The following AASS variants were observed in gnomAD, a reference collection of about 807,000 sequenced individuals.
AASS encodes the protein alpha-aminoadipic semialdehyde synthase, mitochondrial.
A neutral mutation model predicts 105.4 loss-of-function variants in AASS; 86 were observed. That is an observed-to-expected ratio of 0.82 (90% CI 0.69 to 0.98). The LOEUF (loss-of-function observed/expected upper bound fraction) is 0.98, where lower values mean the gene tolerates loss of function less well. AASS is among the 50% of genes least tolerant of loss of function. The pLI is 0.00. For synonymous variants in AASS, 381 were observed against 394.8 expected (o/e 0.96, Z 0.41); for missense variants, 1,048 against 1,143.2 (o/e 0.92, Z 1.20).
chr7:122,078,834 T>G (rs1021943908), intron 22 of AASS, 28 bp downstream of exon 22: 2 of 1,584,986 alleles, frequency 1.3e-6, no homozygotes, highest in Non-Finnish European at 1.7e-6. Flanking sequence ...CTTCTTTAGG[T>G]ATATTTAGCT....
intron 4 of AASS, among the ~76,000 whole-genome samples, chr7:122,123,236 T>A (rs1444169953): frequency 6.6e-6 from 1 of 152,192 alleles, no homozygotes; most frequent in Non-Finnish European, 1.5e-5. Context: ...GTGTTGCCAA[T>A]TCCAGCCAAC....
intron 11 of AASS, among the ~76,000 whole-genome samples, chr7:122,110,727 C>T (rs1794894479): frequency 6.6e-6 from 1 of 151,434 alleles, no homozygotes; most frequent in African/African-American, 2.4e-5. Context: ...TAATCCTAAA[C>T]AAGATAAATC....
At chr7:122,092,688 C>T (rs569135237) in intron 17 of AASS, among the ~76,000 whole-genome samples, 155 bp downstream of exon 17, 62 of 151,648 alleles carry the variant, frequency 4.1e-4, no homozygotes, top group Admixed American at 3.2e-3. Flanking sequence ...TGTGCCGTTG[C>T]ACTCCAGCCT....
intron 19 of AASS, chr7:122,082,919 T>C: frequency 2.2e-5 from 27 of 1,207,624 alleles, no homozygotes; most frequent in Non-Finnish European, 2.8e-5. Flanking sequence ...GCTGGATAAA[T>C]AGATTCTGAA....
At position 122,078,888 on chromosome 7, in the gene AASS, T is replaced by G. The variant is rs73441002; in HGVS notation, c.2459A>C (p.Lys820Thr). The change falls in exon 22 of 24, where the codon AAG becomes ACG. Residue 820 changes from lysine (K) to threonine (T), a missense_variant. Physicochemically the swap from Lys to Thr is moderately conservative, Grantham distance 78. Transcript: ENST00000417368. ...QAESILDALS[K>T]HLVMKLSYGP... Reference sequence around the variant, plus strand: ...ATAGGAAAGCTTCATGACCAAATGCTTGGAGAGGGCATCCAGAATGGACTC... The same window carrying G: ...ATAGGAAAGCTTCATGACCAAATGCGTGGAGAGGGCATCCAGAATGGACTC... 17 of 1,614,122 alleles carry G rather than the reference T, an allele frequency of 1.1e-5. No individual in the cohort carries two copies. In the East Asian group the frequency reaches 3.8e-4, roughly 36 times the overall value.
chr7:122,123,553 A>G (rs761731981), intron 4 of AASS, among the ~76,000 whole-genome samples: 4 of 152,348 alleles, frequency 2.6e-5, no homozygotes, highest in South Asian at 4.1e-4. Flanking sequence ...ATAGTTGCCC[A>G]GTTATAGATT....
chr7:122,129,057 G>A (rs1435406383), intron 3 of AASS, among the ~76,000 whole-genome samples: 1 of 152,060 alleles, frequency 6.6e-6, no homozygotes, highest in Non-Finnish European at 1.5e-5. Flanking sequence ...CAGCCTGGAT[G>A]ACAGAGCAAG....
At chr7:122,110,810 A>G (rs1794898368) in intron 11 of AASS, among the ~76,000 whole-genome samples, 1 of 151,910 alleles carries the variant, frequency 6.6e-6, no homozygotes, top group African/African-American at 2.4e-5. Context: ...ATGTCTACCA[A>G]TGGTAAAATA....
At chr7:122,135,780 G>T (rs183499203) in intron 1 of AASS, among the ~76,000 whole-genome samples, 2 of 151,910 alleles carry the variant, frequency 1.3e-5, no homozygotes, top group African/African-American at 2.4e-5. Flanking sequence ...CGTAGAATAC[G>T]GTGGAAATAA....
intron 17 of AASS, 22 bp from the exon 18 acceptor site, chr7:122,091,865 A>C (rs1793919572): frequency 6.6e-7 from 1 of 1,517,280 alleles, no homozygotes; most frequent in South Asian, 1.1e-5. Flanking sequence ...AGAATCAATA[A>C]ATAAGGAAGA....
In AASS at chr7:122,093,972, C is replaced by T. The variant is rs184950293; in HGVS notation, c.1656-814G>A. On this transcript the variant is annotated intron_variant, in intron 15 of 23. Coordinates refer to ENST00000417368, the MANE Select transcript of AASS (RefSeq NM_005763.4). Reference sequence around the variant, plus strand: ...TGCAACTGGAAACTATTATCTTATGCGACCTAACACAGAAACAGAAAACCA... The same window carrying T: ...TGCAACTGGAAACTATTATCTTATGTGACCTAACACAGAAACAGAAAACCA... 8.5e-5 allele frequency among the ~76,000 whole-genome samples: 13 copies of T among 152,180 alleles called. No homozygotes were observed. The East Asian group carries it at 1.2e-3, about 14-fold the overall frequency.
intron 4 of AASS, among the ~76,000 whole-genome samples, chr7:122,124,799 T>C (rs781212330): frequency 6.6e-6 from 1 of 152,216 alleles, no homozygotes; most frequent in South Asian, 2.1e-4. Context: ...CTAGGAATCA[T>C]AGTCATCAGA....
At position 122,074,397 on chromosome 7, in the gene AASS, C is replaced by G. The variant is rs1212231081; in HGVS notation, c.*2092G>C. ...ATACAAATTCCTCCCTTAACTAATA[C>G]ATGATTTTAAAAAAAATTATCTCAT... On this transcript the variant is annotated 3_prime_UTR_variant, in exon 24 of 24. Transcript: ENST00000417368. 1.3e-5 allele frequency among the ~76,000 whole-genome samples: 2 copies of G among 152,116 alleles called. No homozygotes were observed. Among genetic ancestry groups the G allele is most frequent in the Non-Finnish European group, 2.9e-5 (2 of 68,014 alleles).
intron 23 of AASS, among the ~76,000 whole-genome samples, chr7:122,077,492 A>G (rs1167954162): frequency 6.6e-6 from 1 of 152,210 alleles, no homozygotes; most frequent in African/African-American, 2.4e-5. Context: ...ATGAGGTAGC[A>G]GCTTCATGTA....
rs1428334605 is a variant in AASS, at chr7:122,074,020, A to C, written c.*2469T>G. Among the ~76,000 whole-genome samples the C allele has an allele frequency of 1.3e-5, 2 of 152,080 alleles. No individual in the cohort carries two copies. Among genetic ancestry groups the C allele is most frequent in the African/African-American group, 4.8e-5 (2 of 41,356 alleles). On this transcript the variant is annotated 3_prime_UTR_variant, in exon 24 of 24. Coordinates refer to ENST00000417368, the MANE Select transcript of AASS (RefSeq NM_005763.4). ...GGCTGTTTCAATTTTGGGCTATTAT[A>C]AATAATGCTGCAAAGAACATCTGTG...
At position 122,077,849 on chromosome 7, in the gene AASS, A is replaced by T; in HGVS notation, c.2651T>A (p.Met884Lys). The T allele has an allele frequency of 6.2e-7, 1 of 1,614,162 alleles. No individual in the cohort carries two copies. Among genetic ancestry groups the T allele is most frequent in the South Asian group, 1.1e-5 (1 of 91,082 alleles). Residue 884 changes from methionine (M) to lysine (K), a missense_variant, in exon 23 of 24, where the codon ATG (methionine) becomes AAG (lysine). Met to Lys is a moderately conservative substitution (Grantham distance 95). Transcript: ENST00000417368. ...VGLPTAMAAK[M>K]LLDGEIGAKG... ...ATGAACAGACTTACCATCAAGCAAC[A>T]TTTTGGCTGCCATGGCGGTGGGTAA... is the stretch of plus-strand genomic sequence containing the variant.
intron 21 of AASS, 90 bp from the exon 22 acceptor site, chr7:122,079,040 G>T: frequency 1.2e-6 from 2 of 1,606,688 alleles, no homozygotes; most frequent in Non-Finnish European, 8.5e-7. Flanking sequence ...ATTTAATCTT[G>T]AAAGGGCAGA....
intron 4 of AASS, among the ~76,000 whole-genome samples, chr7:122,125,795 AT>A (rs66841464): frequency 0.63 from 94,689 of 151,432 alleles, 31,407 homozygotes; most frequent in African/African-American, 0.87. Context: ...AGAAGTTACT[AT>A]TTATTCCTAA....
chr7:122,102,360 A>C (rs1248183429), intron 11 of AASS, among the ~76,000 whole-genome samples: 2 of 152,008 alleles, frequency 1.3e-5, no homozygotes, highest in African/African-American at 4.8e-5. Context: ...ACTCTTGAAT[A>C]TACTGCCAAG....
Sources: gnomAD v4.1 joint callset for allele counts (sites outside exome capture counted in the v4.1 genomes callset) on GRCh38, gnomAD v4.1.1 for gene constraint, MANE v1.5 for transcripts, NCBI Gene and HGNC (gene_info 2026-07-23, HGNC 2026-07-21) for gene names.